The following MED13L variants were observed in gnomAD, a reference collection of about 807,000 sequenced individuals.
MED13L encodes the protein mediator complex subunit 13L.
In MED13L, 7 loss-of-function variants were observed where a neutral mutation model predicts 220.9. The ratio of observed to expected loss-of-function variants is 0.03; its 90% confidence interval spans 0.02 to 0.06. The LOEUF (loss-of-function observed/expected upper bound fraction) is 0.06, where lower values mean the gene tolerates loss of function less well. Among genes scored for constraint, MED13L ranks in the 10% least tolerant of loss-of-function variants. MED13L has a pLI of 1.00. For missense variants in MED13L, 1,965 were observed against 2,760.5 expected, an observed-to-expected ratio of 0.71 and a Z score of 6.46; for synonymous variants, 1,011 against 1,015.2, an observed-to-expected ratio of 1.00 and a Z score of 0.08.
intron 2 of MED13L, among the ~76,000 whole-genome samples, chr12:116,233,090 GA>G (rs530903194): frequency 0.027 from 2,244 of 82,944 alleles, 26 homozygotes; most frequent in Non-Finnish European, 0.033. Flanking sequence ...CTGTCTAAAG[GA>G]AAAAAAAAAA....
Position 116,221,898 on chromosome 12 carries a change from G to A in MED13L, c.310+15570C>T, listed in dbSNP as rs1189582808. The stretch of plus-strand genomic sequence containing the variant: ...ATTCAAATCCCCATAAGGAGCAAGG[G>A]CATAAATAATTATAATCATTCTTGC... On this transcript the variant is annotated intron_variant, in intron 2 of 30. Transcript: ENST00000281928. 1.3e-5 allele frequency among the ~76,000 whole-genome samples: 2 copies of A among 152,026 alleles called. 1 individual carries two copies. The highest frequency in any genetic ancestry group is 2.9e-5 in the Non-Finnish European group (2 of 67,994).
At position 116,109,079 on chromosome 12, in the gene MED13L, TTTTTTTTTG is replaced by T. The variant is rs1267869423; in HGVS notation, c.395+2340_395+2348del. On this transcript the variant is annotated intron_variant, in intron 3 of 30. Coordinates refer to ENST00000281928, the MANE Select transcript of MED13L (RefSeq NM_015335.5). ...AATTTCCTTTTTTTTTTTTTTTTTT[TTTTTTTTTG>T]GAAACAGGGTCTCACTCTGTCACCC... 1.8e-3 allele frequency among the ~76,000 whole-genome samples: 140 copies of T among 76,806 alleles called. 2 individuals are homozygous for T. The highest frequency in any genetic ancestry group is 7.9e-3 in the African/African-American group (93 of 11,774). 50.4% of individuals were successfully genotyped at this position (76,806 alleles called of 152,430 possible). A position where few individuals can be genotyped will look rare whatever the true frequency, so the allele number is the denominator to read the frequency against.
At position 116,018,445 on chromosome 12, in the gene MED13L, G is replaced by A. The variant is rs1879860789; in HGVS notation, c.1009+779C>T. On this transcript the variant is annotated intron_variant, in intron 7 of 30. Transcript: ENST00000281928. ...TTATTTTCAAAGTTTAGCAGCCAAG[G>A]CTTTATTTACTCTAATGTTCCTGCC... 2.0e-5 allele frequency among the ~76,000 whole-genome samples: 3 copies of A among 152,094 alleles called. No homozygotes were observed. The South Asian group carries it at 6.2e-4, about 32-fold the overall frequency.
chr12:116,073,619 G>A (rs1870558877), intron 4 of MED13L, among the ~76,000 whole-genome samples: 1 of 152,186 alleles, frequency 6.6e-6, no homozygotes. Flanking sequence ...GGAGAGAACA[G>A]ATAAAAGATA....
chr12:116,198,548 G>A (rs2138297832), intron 2 of MED13L, among the ~76,000 whole-genome samples: 1 of 152,246 alleles, frequency 6.6e-6, no homozygotes, highest in African/African-American at 2.4e-5. Context: ...TCTTCACTGA[G>A]ACTTCTCTGA....
At chr12:116,254,574 C>A (rs1332619425) in intron 1 of MED13L, among the ~76,000 whole-genome samples, 1 of 151,980 alleles carries the variant, frequency 6.6e-6, no homozygotes, top group Non-Finnish European at 1.5e-5. Context: ...CATGATGAAA[C>A]TCTGTCTCTA....
chr12:115,982,637 T>C (rs771830050), intron 21 of MED13L, 34 bp from the exon 22 acceptor site: 1 of 1,541,998 alleles, frequency 6.5e-7, no homozygotes, highest in Non-Finnish European at 9.0e-7. Flanking sequence ...ATGCACAAAA[T>C]AAATATAAAT....
intron 2 of MED13L, among the ~76,000 whole-genome samples, chr12:116,157,418 C>A (rs1037674694): frequency 6.6e-6 from 1 of 152,122 alleles, no homozygotes; most frequent in Non-Finnish European, 1.5e-5. Context: ...AAAAACAGAA[C>A]AAATTACACG....
At chr12:116,231,063 C>T (rs1177967135) in intron 2 of MED13L, among the ~76,000 whole-genome samples, 3 of 152,290 alleles carry the variant, frequency 2.0e-5, no homozygotes, top group Middle Eastern at 3.4e-3. Flanking sequence ...TTGAACTCTG[C>T]TGTGACTTAA....
chr12:115,984,253 C>T lies in MED13L; in HGVS notation c.4458G>A (p.Gln1486=), dbSNP rs746608608. The change falls in exon 20 of 31, where the codon CAG becomes CAA. Residue 1486 remains glutamine, a synonymous_variant. Coordinates refer to ENST00000281928, the MANE Select transcript of MED13L (RefSeq NM_015335.5). The part of the protein sequence containing the change: ...TDELVSEWFN[Q]PWSGEENDNH... Reference sequence around the variant, plus strand: ...TGTCATTCTCCTCGCCGCTCCAAGGCTGGTTAAACCACTCACTCACAAGCT... The same window carrying T: ...TGTCATTCTCCTCGCCGCTCCAAGGTTGGTTAAACCACTCACTCACAAGCT... The T allele has an allele frequency of 4.8e-5, 78 of 1,613,928 alleles. No individual in the cohort carries two copies. Among genetic ancestry groups the T allele is most frequent in the Non-Finnish European group, 5.5e-5 (65 of 1,180,000 alleles).
intron 3 of MED13L, among the ~76,000 whole-genome samples, chr12:116,098,445 A>G (rs184765114): frequency 3.3e-5 from 5 of 152,210 alleles, no homozygotes; most frequent in Admixed American, 3.3e-4. Flanking sequence ...CCAGCAAAAG[A>G]GTTATATAGC....
At position 116,135,758 on chromosome 12, in the gene MED13L, A is replaced by C. The variant is rs183615642; in HGVS notation, c.311-24246T>G. Among the ~76,000 whole-genome samples the C allele has an allele frequency of 1.3e-3, 205 of 152,336 alleles. 1 individual carries two copies. Among genetic ancestry groups the C allele is most frequent in the Admixed American group, 3.8e-3 (58 of 15,306 alleles). On this transcript the variant is annotated intron_variant, in intron 2 of 30. Coordinates refer to ENST00000281928, the MANE Select transcript of MED13L (RefSeq NM_015335.5). Reference sequence around the variant, plus strand: ...AGGAGCAAGTACATGTCCCTAAAGCAGGAAGAAACTTTAGTATAAGTCAAT... The same window carrying C: ...AGGAGCAAGTACATGTCCCTAAAGCCGGAAGAAACTTTAGTATAAGTCAAT...
At chr12:116,130,418 A>G (rs1028173190) in intron 2 of MED13L, among the ~76,000 whole-genome samples, 1 of 152,228 alleles carries the variant, frequency 6.6e-6, no homozygotes, top group Non-Finnish European at 1.5e-5. Context: ...ATTCAAGAAA[A>G]ATAAGCATCT....
chr12:116,277,252 CG>C lies in MED13L; in HGVS notation c.-122del. The C allele has an allele frequency of 5.4e-6, 1 of 184,198 alleles. No homozygotes were observed. The highest frequency in any genetic ancestry group is 6.2e-6 in the Non-Finnish European group (1 of 162,448). The allele number at this position is 184,198 out of a possible 1,614,324, so 11.4% of individuals were successfully genotyped here. On this transcript the variant is annotated 5_prime_UTR_variant, in exon 1 of 31. Transcript: ENST00000281928. ...GGGGCGGCCGGGCCGCCGCCGCCGC[CG>C]GGGGAGGGCGCGAGGGCCGGCGGGC...
intron 1 of MED13L, among the ~76,000 whole-genome samples, chr12:116,258,506 G>T (rs1872235870): frequency 6.6e-6 from 1 of 152,168 alleles, no homozygotes; most frequent in African/African-American, 2.4e-5. Flanking sequence ...GCCGGACACG[G>T]TAGCTCACAC....
At chr12:116,096,486 T>C (rs1247068737) in intron 4 of MED13L, among the ~76,000 whole-genome samples, 183 bp downstream of exon 4, 2 of 151,710 alleles carry the variant, frequency 1.3e-5, no homozygotes, top group African/African-American at 4.8e-5. Flanking sequence ...CAATCACCTT[T>C]CTAATCAATC....
intron 2 of MED13L, among the ~76,000 whole-genome samples, chr12:116,190,699 T>G (rs983446334): frequency 6.6e-6 from 1 of 152,238 alleles, no homozygotes; most frequent in African/African-American, 2.4e-5. Context: ...TAAATTGTGA[T>G]GTACAAGTAC....
chr12:116,121,111 T>A (rs17498480), intron 2 of MED13L, among the ~76,000 whole-genome samples: 22,262 of 152,178 alleles, frequency 0.15, 1,876 homozygotes, highest in South Asian at 0.21. Context: ...AATCAGAATG[T>A]GTTTACGTTG....
At chr12:116,071,889 A>G (rs1870400002) in intron 4 of MED13L, among the ~76,000 whole-genome samples, 1 of 152,118 alleles carries the variant, frequency 6.6e-6, no homozygotes, top group Non-Finnish European at 1.5e-5. Context: ...TCTGCTCCAT[A>G]TCCCTATTTC....
Sources: gnomAD v4.1 joint callset for allele counts (sites outside exome capture counted in the v4.1 genomes callset) on GRCh38, gnomAD v4.1.1 for gene constraint, MANE v1.5 for transcripts, NCBI Gene and HGNC (gene_info 2026-07-23, HGNC 2026-07-21) for gene names.